Variants in SNX27 observed in about 807,000 individuals in gnomAD.
SNX27 encodes the protein sorting nexin-27.
In SNX27, 22 loss-of-function variants were observed where a neutral mutation model predicts 71.6. The observed-to-expected ratio is 0.31, with a 90% CI of 0.22 to 0.44. The LOEUF (loss-of-function observed/expected upper bound fraction) is 0.44. Among genes scored for constraint, SNX27 ranks in the 20% least tolerant of loss-of-function variants. The probability of loss-of-function intolerance (pLI) is 1.00; values close to 1 mark genes in which losing one functional copy is unlikely to be tolerated. For synonymous variants in SNX27, 269 were observed against 277.2 expected (o/e 0.97, Z 0.29); for missense variants, 531 against 698.6 (o/e 0.76, Z 2.70).
At chr1:151,629,594 T>A (rs1215234931) in intron 1 of SNX27, among the ~76,000 whole-genome samples, 1 of 150,090 alleles carries the variant, frequency 6.7e-6, no homozygotes, top group Non-Finnish European at 1.5e-5. Context: ...TAATTTTTTT[T>A]TTTTTTTGAG....
At chr1:151,631,000 C>T (rs1319619056) in intron 1 of SNX27, among the ~76,000 whole-genome samples, 3 of 152,160 alleles carry the variant, frequency 2.0e-5, no homozygotes, top group Non-Finnish European at 2.9e-5. Flanking sequence ...CCACTGCACT[C>T]TAGCCTGGGC....
At chr1:151,694,017 G>A in intron 11 of SNX27, 1 of 1,213,228 alleles carries the variant, frequency 8.2e-7, no homozygotes, top group Non-Finnish European at 1.0e-6. Flanking sequence ...AGGAGGTCAA[G>A]TCAAGAACAT....
chr1:151,614,149 G>C (rs960349189), intron 1 of SNX27: 2 of 151,140 alleles, frequency 1.3e-5, no homozygotes, highest in Admixed American at 6.6e-5. Flanking sequence ...CTCAAGAAAT[G>C]GTTGGTTTTA....
rs1196952995 is a variant in SNX27, at chr1:151,696,473, CTTTCTT to C, written c.*2058_*2063del. On this transcript the variant is annotated 3_prime_UTR_variant, in exon 12 of 12. Coordinates refer to ENST00000458013, the MANE Select transcript of SNX27 (RefSeq NM_001330723.2). Reference sequence around the variant, plus strand: ...TTGTGAGGCCACTTTTTCTTTCTTTCTTTCTTTCTTTCTTTCTTTCTTTCTTTCTTT... The same window carrying C: ...TTGTGAGGCCACTTTTTCTTTCTTTCTCTTTCTTTCTTTCTTTCTTTCTTT... 8 of 110,710 alleles carry C rather than the reference CTTTCTT, an allele frequency of 7.2e-5. No homozygotes were observed. The highest frequency in any genetic ancestry group is 3.4e-4 in the African/African-American group (8 of 23,514). The allele number at this position is 110,710 out of a possible 1,614,324, so 6.9% of individuals were successfully genotyped here.
intron 1 of SNX27, among the ~76,000 whole-genome samples, chr1:151,637,467 C>T (rs1302023291): frequency 7.9e-5 from 12 of 152,300 alleles, no homozygotes; most frequent in South Asian, 6.2e-4. Context: ...CTTGAGCCAC[C>T]GCGCCCGGCG....
At chr1:151,668,277 G>C (rs959070061) in intron 6 of SNX27, among the ~76,000 whole-genome samples, 195 bp from the exon 7 acceptor site, 5 of 152,188 alleles carry the variant, frequency 3.3e-5, no homozygotes, top group African/African-American at 4.8e-5. Flanking sequence ...GACTGGCCAT[G>C]GCCATAGCTA....
chr1:151,645,021 A>G (rs1668970333), intron 2 of SNX27, among the ~76,000 whole-genome samples: 1 of 152,108 alleles, frequency 6.6e-6, no homozygotes, highest in Non-Finnish European at 1.5e-5. Context: ...GCTGGTCTCA[A>G]ACTCCTGACC....
intron 2 of SNX27, among the ~76,000 whole-genome samples, chr1:151,650,732 G>C (rs1242595954): frequency 6.6e-6 from 1 of 151,972 alleles, no homozygotes; most frequent in Non-Finnish European, 1.5e-5. Context: ...GGTTTTCCTA[G>C]GCAGAGGACC....
intron 8 of SNX27, among the ~76,000 whole-genome samples, chr1:151,688,693 G>A (rs898730872): frequency 2.0e-5 from 3 of 149,810 alleles, no homozygotes; most frequent in African/African-American, 7.4e-5. Flanking sequence ...ATAAATTTTT[G>A]TAACTCATTT....
intron 1 of SNX27, among the ~76,000 whole-genome samples, chr1:151,636,368 C>A (rs1431715531): frequency 4.6e-5 from 7 of 152,134 alleles, no homozygotes; most frequent in African/African-American, 1.7e-4. Flanking sequence ...GTGGCATGAT[C>A]TAGCTCACTG....
chr1:151,649,283 TA>T (rs1289263528), intron 2 of SNX27, among the ~76,000 whole-genome samples: 1 of 152,108 alleles, frequency 6.6e-6, no homozygotes, highest in African/African-American at 2.4e-5. Flanking sequence ...TTTATTTATT[TA>T]TTTTTTTAAA....
chr1:151,612,766 C>T lies in SNX27; in HGVS notation c.311+254C>T, dbSNP rs1287162145. On this transcript the variant is annotated intron_variant, in intron 1 of 11. Transcript: ENST00000458013. This position sits in a 1 kb window ranked among gnomAD's most constrained non-coding sequence, Gnocchi z 5.2. ...TGCCCTTGCGCCCCCAGTGCTCCTCCCTGTGCCCCGATTACTCTGGGCTCT... is the reference window on the plus strand; with the variant it reads ...TGCCCTTGCGCCCCCAGTGCTCCTCTCTGTGCCCCGATTACTCTGGGCTCT... Among the ~76,000 whole-genome samples the T allele has an allele frequency of 6.6e-6, 1 of 152,178 alleles. No individual in the cohort carries two copies. The highest frequency in any genetic ancestry group is 1.5e-5 in the Non-Finnish European group (1 of 68,026).
At chr1:151,676,270 ATTTTTTTTTTTTTTTTTTTTTTTTTTTT>A (rs752951557) in intron 7 of SNX27, 244 of 56,436 alleles carry the variant, frequency 4.3e-3, no homozygotes, top group African/African-American at 0.016. Context: ...AGTGCTATTA[ATTTTTTTTTTTTTTTTTTTTTTTTTTTT>A]TTTTTTTTTT....
At chr1:151,648,935 A>G (rs1051487432) in intron 2 of SNX27, among the ~76,000 whole-genome samples, 5 of 151,118 alleles carry the variant, frequency 3.3e-5, no homozygotes, top group Admixed American at 6.6e-5. Context: ...TTCTTGGTGG[A>G]TTGTTTTTTT....
chr1:151,636,148 C>T (rs1428573305), intron 1 of SNX27, among the ~76,000 whole-genome samples: 1 of 152,002 alleles, frequency 6.6e-6, no homozygotes, highest in Non-Finnish European at 1.5e-5. Flanking sequence ...CTCAAGTCTA[C>T]CAACAGAGTG....
In SNX27 at chr1:151,668,641, T is replaced by C; in HGVS notation, c.1149+6T>C. 6.2e-7 allele frequency: 1 copy of C among 1,607,580 alleles called. No homozygotes were observed. Among genetic ancestry groups the C allele is most frequent in the South Asian group, 1.1e-5 (1 of 89,744 alleles). On this transcript the variant is annotated splice_donor_region_variant and intron_variant, in intron 7 of 11. Transcript: ENST00000458013. The stretch of plus-strand genomic sequence containing the variant: ...TTACCTACTTCTTTCATCAGGTAGG[T>C]GAATTGATCTTCTTGAAAGGCACAA...
Position 151,667,849 on chromosome 1 carries a change from A to C in SNX27, c.986-623A>C, listed in dbSNP as rs901533784. Reference sequence around the variant, plus strand: ...CTCAAAAAAAAAAAAAAAAAAAAAAAAAGATGTTTAGTGGACATGAGCTGT... The same window carrying C: ...CTCAAAAAAAAAAAAAAAAAAAAAACAAGATGTTTAGTGGACATGAGCTGT... On this transcript the variant is annotated intron_variant, in intron 6 of 11. Coordinates refer to ENST00000458013, the MANE Select transcript of SNX27 (RefSeq NM_001330723.2). 1.1e-3 allele frequency among the ~76,000 whole-genome samples: 150 copies of C among 138,418 alleles called. 5 individuals carry two copies. Among genetic ancestry groups the C allele is most frequent in the Non-Finnish European group, 4.0e-4 (25 of 62,038 alleles). The allele number at this position is 138,418 out of a possible 152,430, so 90.8% of individuals were successfully genotyped here.
chr1:151,631,044 A>T (rs1332599004), intron 1 of SNX27, among the ~76,000 whole-genome samples: 1 of 152,224 alleles, frequency 6.6e-6, no homozygotes, highest in African/African-American at 2.4e-5. Context: ...AAAAAAGAAT[A>T]TTCTTCCACT....
chr1:151,662,036 A>T (rs895095448), intron 4 of SNX27, 130 bp from the exon 5 acceptor site: 10 of 570,934 alleles, frequency 1.8e-5, no homozygotes, highest in Non-Finnish European at 2.9e-5. Context: ...AAATGTATTG[A>T]TTTTTTTCCC....
Sources: gnomAD v4.1 joint callset for allele counts (sites outside exome capture counted in the v4.1 genomes callset) on GRCh38, gnomAD v4.1.1 for gene constraint, Gnocchi (gnomAD v3.1) non-coding constraint, MANE v1.5 for transcripts, NCBI Gene and HGNC (gene_info 2026-07-23, HGNC 2026-07-21) for gene names.